SMOC1: variants seen among roughly 807,000 people sequenced by gnomAD.
SMOC1 encodes the protein SPARC related modular calcium binding 1.
A neutral mutation model predicts 56.3 loss-of-function variants in SMOC1; 22 were observed. The ratio of observed to expected loss-of-function variants is 0.39; its 90% CI spans 0.28 to 0.56. The LOEUF (loss-of-function observed/expected upper bound fraction) is 0.56. Ranked by LOEUF, SMOC1 falls within the 20% of genes least tolerant of loss-of-function variation. The pLI, the probability that SMOC1 is intolerant of heterozygous loss-of-function variation, is 0.61. For missense variants in SMOC1, 509 were observed against 565.4 expected (o/e 0.90, Z 1.01); for synonymous variants, 193 against 215.0 (o/e 0.90, Z 0.89).
Position 70,023,353 on chromosome 14 carries a change from ATG to A in SMOC1, c.1200_1201del (p.Ala401ProfsTer8). ...TGAAGAAGAAAGCCAAGCCCAAGAAATGTGCCCGGCGTTTCACCGACTACTGT... is the reference window on the plus strand; with the variant it reads ...TGAAGAAGAAAGCCAAGCCCAAGAAATGCCCGGCGTTTCACCGACTACTGT... Reference protein sequence around the residue: ...YVKKKAKPKKCARRFTDYCDL... With the variant: ...YVKKKAKPKKXARRFTDYCDL... On this transcript the variant is annotated frameshift_variant, in exon 11 of 12. Transcript: ENST00000361956. LOFTEE classifies it high-confidence loss of function. 6.2e-7 allele frequency: 1 copy of A among 1,614,204 alleles called. No homozygotes were observed. The highest frequency in any genetic ancestry group is 8.5e-7 in the Non-Finnish European group (1 of 1,180,038).
chr14:69,971,469 C>A (rs1481448623), intron 3 of SMOC1, among the ~76,000 whole-genome samples: 1 of 152,154 alleles, frequency 6.6e-6, no homozygotes, highest in East Asian at 1.9e-4. Flanking sequence ...GGGATAGGAG[C>A]AGATTTCACT....
chr14:69,949,931 A>G (rs1882932675), intron 1 of SMOC1, among the ~76,000 whole-genome samples: 1 of 151,984 alleles, frequency 6.6e-6, no homozygotes, highest in Non-Finnish European at 1.5e-5. Flanking sequence ...GTCCTCTCCC[A>G]TTTCTCCCCG....
chr14:69,991,021 CT>C (rs1884548391), intron 5 of SMOC1, among the ~76,000 whole-genome samples: 1 of 152,166 alleles, frequency 6.6e-6, no homozygotes, highest in East Asian at 1.9e-4. Flanking sequence ...TTCTCTCTCC[CT>C]CCCCCAATAA....
At position 69,880,655 on chromosome 14, in the gene SMOC1, C is replaced by T. The variant is rs144822180; in HGVS notation, c.99+878C>T. On this transcript the variant is annotated intron_variant, in intron 1 of 11. Transcript: ENST00000361956. The stretch of plus-strand genomic sequence containing the variant: ...TAAACGACCTAGTGGTTCTTTTGAC[C>T]AAACTTAATCCAGGCAATCTCTGGC... 3.6e-4 allele frequency among the ~76,000 whole-genome samples: 55 copies of T among 152,326 alleles called. 1 individual carries two copies. Among genetic ancestry groups the T allele is most frequent in the African/African-American group, 1.3e-3 (54 of 41,572 alleles).
At chr14:69,949,734 C>A in intron 1 of SMOC1, among the ~76,000 whole-genome samples, 1 of 152,142 alleles carries the variant, frequency 6.6e-6, no homozygotes, top group East Asian at 1.9e-4. Context: ...GGCCCGTGTG[C>A]CCCACCAGCA....
intron 10 of SMOC1, among the ~76,000 whole-genome samples, chr14:70,019,254 A>G (rs1023620921): frequency 6.6e-6 from 1 of 152,252 alleles, no homozygotes; most frequent in East Asian, 1.9e-4. Context: ...TCACAAAAAC[A>G]GCCCAGAGGT....
At chr14:69,953,324 T>A in intron 2 of SMOC1, 96 bp from the exon 3 acceptor site, 2 of 1,119,768 alleles carry the variant, frequency 1.8e-6, no homozygotes, top group Non-Finnish European at 2.7e-6. Context: ...GTGTGTGGGC[T>A]CCCGCACAGG....
chr14:69,883,745 A>G (rs1883710464), intron 1 of SMOC1, among the ~76,000 whole-genome samples: 1 of 152,186 alleles, frequency 6.6e-6, no homozygotes, highest in African/African-American at 2.4e-5. Flanking sequence ...GTTCCCACCA[A>G]CAGTATGTGA....
intron 10 of SMOC1, 26 bp from the exon 11 acceptor site, chr14:70,023,177 G>A (rs750821594): frequency 1.3e-5 from 21 of 1,613,778 alleles, no homozygotes; most frequent in Admixed American, 3.3e-5. Flanking sequence ...TGTTCTCTGC[G>A]GTGGGGGTGT....
chr14:69,934,310 A>G (rs557167138), intron 1 of SMOC1, among the ~76,000 whole-genome samples: 1 of 152,344 alleles, frequency 6.6e-6, no homozygotes, highest in East Asian at 1.9e-4. Flanking sequence ...TCATTGGCCC[A>G]GGGCTTTGAC....
At chr14:69,903,753 A>G (rs938064891) in intron 1 of SMOC1, among the ~76,000 whole-genome samples, 14 of 152,282 alleles carry the variant, frequency 9.2e-5, no homozygotes, top group Non-Finnish European at 1.8e-4. Flanking sequence ...GTACCCAGGG[A>G]CACAAACACT....
intron 5 of SMOC1, among the ~76,000 whole-genome samples, chr14:69,989,926 C>A (rs1159889136): frequency 6.6e-6 from 1 of 152,190 alleles, no homozygotes; most frequent in African/African-American, 2.4e-5. Context: ...CTTGGCTTCC[C>A]AGCCTTTGAG....
intron 10 of SMOC1, among the ~76,000 whole-genome samples, chr14:70,021,039 T>A (rs1252312072): frequency 2.0e-5 from 3 of 152,164 alleles, no homozygotes; most frequent in African/African-American, 7.2e-5. Flanking sequence ...GGCTTTATTA[T>A]TCCAGCCTCT....
At chr14:69,977,268 T>G (rs1883997093) in intron 4 of SMOC1, among the ~76,000 whole-genome samples, 1 of 152,118 alleles carries the variant, frequency 6.6e-6, no homozygotes, top group Non-Finnish European at 1.5e-5. Flanking sequence ...TGCCACAGGG[T>G]CAGGACTGGA....
At chr14:69,957,987 A>G (rs1883248410) in intron 3 of SMOC1, among the ~76,000 whole-genome samples, 1 of 152,252 alleles carries the variant, frequency 6.6e-6, no homozygotes, top group African/African-American at 2.4e-5. Flanking sequence ...CAATATACAA[A>G]CAATAATATT....
At chr14:69,908,372 A>G (rs1311477157) in intron 1 of SMOC1, among the ~76,000 whole-genome samples, 1 of 152,184 alleles carries the variant, frequency 6.6e-6, no homozygotes, top group Non-Finnish European at 1.5e-5. Context: ...GCTCACTTCA[A>G]ATGTGAAAGC....
intron 3 of SMOC1, among the ~76,000 whole-genome samples, chr14:69,961,745 C>G (rs1362109683): frequency 1.3e-5 from 2 of 152,016 alleles, no homozygotes; most frequent in Admixed American, 1.3e-4. Context: ...TTGTGTTTAT[C>G]TGTTTTCAAT....
intron 10 of SMOC1, among the ~76,000 whole-genome samples, chr14:70,016,503 G>T (rs1399842249): frequency 6.6e-6 from 1 of 152,168 alleles, no homozygotes; most frequent in East Asian, 1.9e-4. Context: ...CAAGGAAGTG[G>T]GTGGGGAAAG....
intron 5 of SMOC1, among the ~76,000 whole-genome samples, chr14:69,980,526 G>A (rs938846809): frequency 6.6e-6 from 1 of 152,180 alleles, no homozygotes; most frequent in Non-Finnish European, 1.5e-5. Context: ...GAGCAGGTTC[G>A]GGCCACCTGT....
Sources: allele counts gnomAD v4.1 joint callset (sites outside exome capture counted in the v4.1 genomes callset), GRCh38; gene constraint gnomAD v4.1.1; transcripts MANE v1.5; gene names NCBI Gene and HGNC (gene_info 2026-07-23, HGNC 2026-07-21).